Variants in STIMATE observed in about 807,000 individuals in gnomAD.
The protein encoded by STIMATE is STIM activating enhancer, also known as store-operated calcium entry regulator STIMATE.
A neutral mutation model predicts 36.7 loss-of-function variants in STIMATE; 15 were observed. That is an observed-to-expected ratio of 0.41 (90% confidence interval 0.27 to 0.63). The LOEUF (loss-of-function observed/expected upper bound fraction) is 0.63, where lower values mean the gene tolerates loss of function less well. Among genes scored for constraint, STIMATE ranks in the 20% least tolerant of loss-of-function variants. The probability of loss-of-function intolerance (pLI) is 0.32; values close to 1 mark genes in which losing one functional copy is unlikely to be tolerated. For synonymous variants in STIMATE, 163 were observed against 162.3 expected, an observed-to-expected ratio of 1.00 and a Z score of -0.03; for missense variants, 305 against 397.3, an observed-to-expected ratio of 0.77 and a Z score of 1.98.
chr3:52,836,766 A>T lies in STIMATE; in HGVS notation c.*3728T>A. On this transcript the variant is annotated 3_prime_UTR_variant, in exon 8 of 8. Coordinates refer to ENST00000355083, the MANE Select transcript of STIMATE (RefSeq NM_198563.5). ...TAAAAAAAACTGTAATAAGATGCCAAACTTTATTGTAAACCATTTTACAAT... is the reference window on the plus strand; with the variant it reads ...TAAAAAAAACTGTAATAAGATGCCATACTTTATTGTAAACCATTTTACAAT... 1 of 356,460 alleles carries T rather than the reference A, an allele frequency of 2.8e-6. No individual in the cohort carries two copies. Among genetic ancestry groups the T allele is most frequent in the Non-Finnish European group, 5.7e-6 (1 of 176,548 alleles). The allele number at this position is 356,460 out of a possible 1,614,324, so 22.1% of individuals were successfully genotyped here. A position where few individuals can be genotyped will look rare whatever the true frequency, so the allele number is the denominator to read the frequency against.
At chr3:52,879,595 C>T (rs1701568059) in intron 1 of STIMATE, among the ~76,000 whole-genome samples, 3 of 152,160 alleles carry the variant, frequency 2.0e-5, no homozygotes, top group African/African-American at 4.8e-5. Context: ...ACACCGGCTG[C>T]GTGAGGAAAG....
At chr3:52,845,000 T>C (rs1700869994) in intron 4 of STIMATE, 59 bp from the exon 5 acceptor site, 1 of 1,568,206 alleles carries the variant, frequency 6.4e-7, no homozygotes, top group Non-Finnish European at 8.7e-7. Context: ...TGAGATGATG[T>C]CCCCACCCCA....
intron 1 of STIMATE, among the ~76,000 whole-genome samples, chr3:52,889,495 G>T (rs538206140): frequency 6.6e-6 from 1 of 152,356 alleles, no homozygotes; most frequent in East Asian, 1.9e-4. Context: ...CAACCACACT[G>T]CCTAGCTCTA....
intron 1 of STIMATE, among the ~76,000 whole-genome samples, chr3:52,873,982 A>T (rs1336458615): frequency 6.6e-6 from 1 of 152,260 alleles, no homozygotes; most frequent in African/African-American, 2.4e-5. Flanking sequence ...ACCAGTCCAC[A>T]AAACACATGA....
chr3:52,857,393 C>T (rs1299733758), intron 1 of STIMATE, among the ~76,000 whole-genome samples: 1 of 152,126 alleles, frequency 6.6e-6, no homozygotes, highest in Admixed American at 6.5e-5. Context: ...CTTAAGCATG[C>T]CAGGTCTCAC....
At chr3:52,853,191 G>A (rs1192934819) in intron 2 of STIMATE, among the ~76,000 whole-genome samples, 2 of 152,186 alleles carry the variant, frequency 1.3e-5, no homozygotes, top group African/African-American at 2.4e-5. Context: ...AATATTTGAG[G>A]TTTTGTGCGC....
intron 1 of STIMATE, among the ~76,000 whole-genome samples, 179 bp from the exon 2 acceptor site, chr3:52,855,623 G>A (rs561161958): frequency 4.1e-4 from 62 of 152,302 alleles, no homozygotes; most frequent in African/African-American, 1.3e-3. Flanking sequence ...CTGTGTTGCC[G>A]ATGATTGGTA....
At chr3:52,849,713 C>A in intron 4 of STIMATE, 79 bp downstream of exon 4, 14 of 1,529,108 alleles carry the variant, frequency 9.2e-6, no homozygotes, top group Non-Finnish European at 1.2e-5. Flanking sequence ...GATCTGTTTG[C>A]CTGGTGGGCC....
At chr3:52,879,509 AG>A (rs1274035953) in intron 1 of STIMATE, among the ~76,000 whole-genome samples, 2 of 152,192 alleles carry the variant, frequency 1.3e-5, no homozygotes, top group Non-Finnish European at 2.9e-5. Flanking sequence ...GGGAAGAACA[AG>A]TGATACACGA....
chr3:52,870,503 C>G (rs765260031), intron 1 of STIMATE, among the ~76,000 whole-genome samples: 2 of 151,774 alleles, frequency 1.3e-5, no homozygotes, highest in Non-Finnish European at 2.9e-5. Flanking sequence ...GGTGAGCACA[C>G]GAGAGTGGCA....
intron 1 of STIMATE, among the ~76,000 whole-genome samples, chr3:52,895,109 G>A (rs760702930): frequency 1.4e-4 from 21 of 152,214 alleles, no homozygotes; most frequent in Non-Finnish European, 2.5e-4. Context: ...CAAATGGCTC[G>A]CAGATGTACT....
chr3:52,862,854 T>C (rs1701240173), intron 1 of STIMATE, among the ~76,000 whole-genome samples: 1 of 152,090 alleles, frequency 6.6e-6, no homozygotes, highest in Non-Finnish European at 1.5e-5. Flanking sequence ...CAAGTATCCT[T>C]ATGAGAGATG....
intron 1 of STIMATE, among the ~76,000 whole-genome samples, chr3:52,873,238 C>T (rs1701439306): frequency 6.6e-6 from 1 of 152,174 alleles, no homozygotes; most frequent in Non-Finnish European, 1.5e-5. Context: ...ATAATGATGG[C>T]AGTAGGAGCG....
At chr3:52,880,600 T>C (rs1701586545) in intron 1 of STIMATE, among the ~76,000 whole-genome samples, 1 of 152,240 alleles carries the variant, frequency 6.6e-6, no homozygotes, top group East Asian at 1.9e-4. Flanking sequence ...TCCCGTAGCA[T>C]TGGAGACAGA....
chr3:52,896,891 T>A lies in STIMATE; in HGVS notation c.160+400A>T, dbSNP rs1454632603. On this transcript the variant is annotated intron_variant, in intron 1 of 7. Transcript: ENST00000355083. The stretch of plus-strand genomic sequence containing the variant: ...GAAGAGTGAAGGGGCAGAAAAGAGC[T>A]CAGCATCGCACTGGGGATTGAGGGA... Among the ~76,000 whole-genome samples, 3 of 151,956 alleles carry A rather than the reference T, an allele frequency of 2.0e-5. No individual in the cohort carries two copies. The East Asian group carries it at 5.8e-4, about 29-fold the overall frequency.
intron 4 of STIMATE, chr3:52,847,572 CTAGAAAAA>C (rs1285079065): frequency 1.6e-6 from 2 of 1,288,554 alleles, no homozygotes; most frequent in Non-Finnish European, 2.0e-6. Flanking sequence ...AAGACACATC[CTAGAAAAA>C]TAAGCCCCTC....
At chr3:52,876,032 T>C (rs774579704) in intron 1 of STIMATE, among the ~76,000 whole-genome samples, 5 of 152,210 alleles carry the variant, frequency 3.3e-5, no homozygotes, top group Non-Finnish European at 7.3e-5. Context: ...CTAAAGCCAG[T>C]ATGCATTCAA....
rs1701717089 is a variant in STIMATE, at chr3:52,887,994, G to GGTTTTTTT, written c.160+9296_160+9297insAAAAAAAC. 3.8e-5 allele frequency among the ~76,000 whole-genome samples: 2 copies of GGTTTTTTT among 52,694 alleles called. 1 individual carries two copies. Among genetic ancestry groups the GGTTTTTTT allele is most frequent in the African/African-American group, 1.4e-4 (2 of 14,272 alleles). The allele number at this position is 52,694 out of a possible 152,430, so 34.6% of individuals were successfully genotyped here. A position where few individuals can be genotyped will look rare whatever the true frequency, so the allele number is the denominator to read the frequency against. On this transcript the variant is annotated intron_variant, in intron 1 of 7. Transcript: ENST00000355083. ...GCTCTAACTTCATATAACAGAATCA[G>GGTTTTTTT]TTTTTTTTTTTTTTTTTTTTTTTTT...
At chr3:52,870,403 C>T (rs367972378) in intron 1 of STIMATE, among the ~76,000 whole-genome samples, 1 of 152,146 alleles carries the variant, frequency 6.6e-6, no homozygotes, top group Non-Finnish European at 1.5e-5. Flanking sequence ...CTGGCCTGCG[C>T]TTCCCACGTG....
Sources: gnomAD v4.1 joint callset for allele counts (sites outside exome capture counted in the v4.1 genomes callset) on GRCh38, gnomAD v4.1.1 for gene constraint, MANE v1.5 for transcripts, NCBI Gene and HGNC (gene_info 2026-07-23, HGNC 2026-07-21) for gene names.